Variants in PDE10A observed in about 807,000 individuals in gnomAD.
PDE10A encodes the protein phosphodiesterase 10A, also known as cAMP and cAMP-inhibited cGMP 3',5'-cyclic phosphodiesterase 10A.
In PDE10A, 39 loss-of-function variants were observed where a neutral mutation model predicts 97.7. The ratio of observed to expected loss-of-function variants is 0.40; its 90% CI spans 0.31 to 0.52. The LOEUF (loss-of-function observed/expected upper bound fraction) is 0.52. PDE10A is among the 20% of genes least tolerant of loss of function. The pLI is 0.56. For missense variants in PDE10A, 731 were observed against 1,047.8 expected (o/e 0.70, Z 4.17); for synonymous variants, 371 against 376.8 (o/e 0.98, Z 0.18).
At chr6:165,431,635 TAC>T (rs60779977) in intron 7 of PDE10A, among the ~76,000 whole-genome samples, 163 bp from the exon 8 acceptor site, 2 of 135,168 alleles carry the variant, frequency 1.5e-5, no homozygotes, top group Non-Finnish European at 3.3e-5. Context: ...TATATATATA[TAC>T]ACACACACAC....
At chr6:165,891,758 C>G (rs1451027973) in intron 1 of PDE10A, among the ~76,000 whole-genome samples, 1 of 152,070 alleles carries the variant, frequency 6.6e-6, no homozygotes. Flanking sequence ...TTCAAGGCAT[C>G]TGTAATGTAA....
chr6:165,690,912 C>G (rs1387630599), intron 1 of PDE10A, among the ~76,000 whole-genome samples: 3 of 152,116 alleles, frequency 2.0e-5, no homozygotes, highest in African/African-American at 4.8e-5. Context: ...GTTGGCATCC[C>G]TGGTGGGGGC....
intron 6 of PDE10A, among the ~76,000 whole-genome samples, chr6:165,434,784 C>T (rs1360057696): frequency 6.6e-6 from 1 of 152,142 alleles, no homozygotes; most frequent in Admixed American, 6.5e-5. Context: ...ACCTCAGACG[C>T]ATAGGCAAAT....
In PDE10A at chr6:165,662,787, C is replaced by G. The variant is rs1490433370; in HGVS notation, c.25G>C (p.Ala9Pro). The change falls in exon 1 of 22, where the codon GCT becomes CCT. Residue 9 changes from alanine (A) to proline (P), a missense_variant. Ala to Pro is a conservative substitution (Grantham distance 27). This residue lies in a region of PDE10A where 181 missense variants were observed against 159.1 expected (regional missense o/e 1.14). Coordinates refer to ENST00000539869, the MANE Select transcript of PDE10A (RefSeq NM_001385079.1). ...GGCAGGGGACCCTGGGGGCGGGGAG[C>G]AAGAGGCTCCTCGAGGCTGGCCATG... The part of the protein sequence containing the change: MASLEEPL[A>P]PRPQGPLPAA... Among the ~76,000 whole-genome samples, 1 of 149,274 alleles carries G rather than the reference C, an allele frequency of 6.7e-6. No homozygotes were observed. Among genetic ancestry groups the G allele is most frequent in the Non-Finnish European group, 1.5e-5 (1 of 66,922 alleles).
chr6:165,746,455 T>C (rs1329961123), intron 1 of PDE10A, among the ~76,000 whole-genome samples: 1 of 152,192 alleles, frequency 6.6e-6, no homozygotes, highest in Admixed American at 6.5e-5. Context: ...TCAACAACAA[T>C]TCACACAGGC....
chr6:165,690,921 G>A (rs966378844), intron 1 of PDE10A, among the ~76,000 whole-genome samples: 2 of 152,122 alleles, frequency 1.3e-5, no homozygotes, highest in Non-Finnish European at 2.9e-5. Flanking sequence ...CCTGGTGGGG[G>A]CCACTGCTCT....
chr6:165,410,992 C>T (rs1286606671), intron 13 of PDE10A, among the ~76,000 whole-genome samples: 1 of 84,836 alleles, frequency 1.2e-5, no homozygotes, highest in Non-Finnish European at 2.1e-5. Flanking sequence ...GAGGCTGAGG[C>T]AGGAGAATGG....
At chr6:165,880,060 G>A (rs1240048949) in intron 1 of PDE10A, among the ~76,000 whole-genome samples, 1 of 152,060 alleles carries the variant, frequency 6.6e-6, no homozygotes, top group African/African-American at 2.4e-5. Context: ...TAAAGCTCCA[G>A]AAAGAGAATA....
At chr6:165,390,807 T>C in intron 16 of PDE10A, among the ~76,000 whole-genome samples, 1 of 152,218 alleles carries the variant, frequency 6.6e-6, no homozygotes, top group Middle Eastern at 3.2e-3. Context: ...GAACTGGTTT[T>C]TCCCGCCACA....
intron 18 of PDE10A, among the ~76,000 whole-genome samples, chr6:165,355,543 T>C (rs1782969414): frequency 6.6e-6 from 1 of 152,190 alleles, no homozygotes; most frequent in African/African-American, 2.4e-5. Flanking sequence ...ACTTTAAAAA[T>C]TGCTGAATAG....
chr6:165,603,216 T>C (rs898569163), intron 1 of PDE10A, among the ~76,000 whole-genome samples: 2 of 152,146 alleles, frequency 1.3e-5, no homozygotes, highest in African/African-American at 4.8e-5. Context: ...AGCTCCTCCA[T>C]ACAATTCTGC....
chr6:165,485,793 CAT>C (rs564180637), intron 2 of PDE10A, among the ~76,000 whole-genome samples: 88 of 152,150 alleles, frequency 5.8e-4, no homozygotes, highest in African/African-American at 2.1e-3. Context: ...AGGGTTTCAT[CAT>C]GTTGGCCAGG....
intron 18 of PDE10A, among the ~76,000 whole-genome samples, chr6:165,355,244 A>T (rs573278703): frequency 5.1e-4 from 77 of 152,290 alleles, no homozygotes; most frequent in African/African-American, 1.7e-3. Context: ...ATAGAATGAA[A>T]TGCATAAATT....
At chr6:165,715,694 G>A (rs1409821789) in intron 1 of PDE10A, among the ~76,000 whole-genome samples, 2 of 152,206 alleles carry the variant, frequency 1.3e-5, no homozygotes, top group Non-Finnish European at 2.9e-5. Context: ...AATGGATCAG[G>A]TGGTTTGTCC....
intron 1 of PDE10A, among the ~76,000 whole-genome samples, chr6:165,891,349 T>C (rs1781789694): frequency 6.6e-6 from 1 of 152,122 alleles, no homozygotes; most frequent in Non-Finnish European, 1.5e-5. Flanking sequence ...GCCCAGGCGT[T>C]CTTTGTCACT....
At chr6:165,723,181 A>G (rs1792208375) in intron 1 of PDE10A, among the ~76,000 whole-genome samples, 1 of 152,212 alleles carries the variant, frequency 6.6e-6, no homozygotes, top group South Asian at 2.1e-4. Flanking sequence ...ACAGCCACAC[A>G]GCCACATGCA....
intron 1 of PDE10A, among the ~76,000 whole-genome samples, chr6:165,884,876 A>G (rs1211486321): frequency 1.3e-5 from 2 of 152,240 alleles, no homozygotes; most frequent in Non-Finnish European, 2.9e-5. Context: ...TGGACACAAC[A>G]CAGGAATAAT....
chr6:165,481,315 G>A (rs192104153), intron 3 of PDE10A, among the ~76,000 whole-genome samples: 283 of 152,160 alleles, frequency 1.9e-3, no homozygotes, highest in African/African-American at 6.4e-3. Context: ...GACATTAATA[G>A]CGAAGGCACC....
intron 1 of PDE10A, among the ~76,000 whole-genome samples, chr6:165,675,903 G>T (rs1790781628): frequency 6.6e-6 from 1 of 152,164 alleles, no homozygotes; most frequent in African/African-American, 2.4e-5. Flanking sequence ...TCTACCCAAA[G>T]AACATCATTA....
Sources: gnomAD v4.1 joint callset for allele counts (sites outside exome capture counted in the v4.1 genomes callset) on GRCh38, gnomAD v4.1.1 for gene constraint, gnomAD v4.1.1 regional missense constraint, MANE v1.5 for transcripts, NCBI Gene and HGNC (gene_info 2026-07-23, HGNC 2026-07-21) for gene names.